LMBR1: variants seen among roughly 807,000 people sequenced by gnomAD.
LMBR1 encodes the protein limb development membrane protein 1, also known as limb region 1 protein homolog.
In LMBR1, 52 loss-of-function variants were observed where a neutral mutation model predicts 73.9. The observed-to-expected ratio is 0.70, with a 90% confidence interval of 0.56 to 0.89. The LOEUF is 0.89. Ranked by LOEUF, LMBR1 falls within the 40% of genes least tolerant of loss-of-function variation. LMBR1 has a pLI of 0.00. For synonymous variants in LMBR1, 215 were observed against 209.4 expected (o/e 1.03, Z -0.23); for missense variants, 539 against 579.8 (o/e 0.93, Z 0.72).
At position 156,725,722 on chromosome 7, in the gene LMBR1, A is replaced by C. The variant is rs774287851; in HGVS notation, c.1067+42T>G. On this transcript the variant is annotated intron_variant, in intron 13 of 16. Transcript: ENST00000353442. ...CTACTGCCCCAGAAAACTTGGTATA[A>C]AATTTGTGGATAGGCTGAACGTTCA... 18 of 1,571,990 alleles carry C rather than the reference A, an allele frequency of 1.1e-5. No individual in the cohort carries two copies. The South Asian group carries it at 1.9e-4, about 17-fold the overall frequency.
chr7:156,744,672 T>C (rs1819528965), intron 9 of LMBR1, among the ~76,000 whole-genome samples: 1 of 152,242 alleles, frequency 6.6e-6, no homozygotes, highest in Non-Finnish European at 1.5e-5. Context: ...AGATGATTAA[T>C]TCAATTTTTG....
At chr7:156,731,318 G>A (rs1005841220) in intron 10 of LMBR1, among the ~76,000 whole-genome samples, 1 of 152,160 alleles carries the variant, frequency 6.6e-6, no homozygotes, top group African/African-American at 2.4e-5. Context: ...TGCAGCCTAA[G>A]GAAATAAGAG....
At chr7:156,708,171 C>A (rs1456506680) in intron 15 of LMBR1, among the ~76,000 whole-genome samples, 1 of 152,022 alleles carries the variant, frequency 6.6e-6, no homozygotes, top group African/African-American at 2.4e-5. Flanking sequence ...CTTGGAAGGA[C>A]AGAACAGTGC....
intron 1 of LMBR1, among the ~76,000 whole-genome samples, chr7:156,848,977 C>A (rs948319715): frequency 6.6e-6 from 1 of 150,630 alleles, no homozygotes; most frequent in African/African-American, 2.4e-5. Flanking sequence ...AACAGTACTA[C>A]CATTTGACCC....
At chr7:156,759,408 T>G (rs1445728543) in intron 8 of LMBR1, among the ~76,000 whole-genome samples, 1 of 152,150 alleles carries the variant, frequency 6.6e-6, no homozygotes, top group Non-Finnish European at 1.5e-5. Context: ...GCCTCTTGGG[T>G]TCACACTCTG....
intron 9 of LMBR1, among the ~76,000 whole-genome samples, 171 bp downstream of exon 9, chr7:156,756,222 G>A (rs1821844715): frequency 6.6e-6 from 1 of 152,104 alleles, no homozygotes; most frequent in Middle Eastern, 3.2e-3. Context: ...CTCAGCCAGG[G>A]TCTGCAATAA....
intron 5 of LMBR1, among the ~76,000 whole-genome samples, chr7:156,779,088 A>G (rs1826654704): frequency 6.6e-6 from 1 of 152,220 alleles, no homozygotes; most frequent in African/African-American, 2.4e-5. Context: ...TCTCCTGAAT[A>G]CAAGATCACA....
At chr7:156,741,011 A>G (rs1164306996) in intron 9 of LMBR1, among the ~76,000 whole-genome samples, 1 of 152,198 alleles carries the variant, frequency 6.6e-6, no homozygotes, top group Admixed American at 6.5e-5. Flanking sequence ...AAGTGTGGGG[A>G]CGAAGTTAAA....
intron 5 of LMBR1, among the ~76,000 whole-genome samples, chr7:156,774,564 G>C (rs1464071685): frequency 6.6e-6 from 1 of 152,218 alleles, no homozygotes; most frequent in Non-Finnish European, 1.5e-5. Flanking sequence ...GGGTGAGACA[G>C]CTCACACCTG....
At chr7:156,886,927 T>A (rs11764953) in intron 1 of LMBR1, among the ~76,000 whole-genome samples, 1 of 152,116 alleles carries the variant, frequency 6.6e-6, no homozygotes, top group Admixed American at 6.5e-5. Context: ...GCGTGTCAGA[T>A]GTCCCATCCC....
At chr7:156,756,001 T>G (rs1236724761) in intron 9 of LMBR1, among the ~76,000 whole-genome samples, 1 of 152,238 alleles carries the variant, frequency 6.6e-6, no homozygotes, top group Non-Finnish European at 1.5e-5. Flanking sequence ...TGAAAACTAC[T>G]TAAGTAAAAT....
intron 15 of LMBR1, among the ~76,000 whole-genome samples, chr7:156,712,331 A>C (rs192699161): frequency 6.6e-6 from 1 of 152,342 alleles, no homozygotes; most frequent in African/African-American, 2.4e-5. Flanking sequence ...ATCAGTCAGA[A>C]TGGCTACTAT....
At chr7:156,888,095 G>A (rs138662723) in intron 1 of LMBR1, among the ~76,000 whole-genome samples, 24 of 152,282 alleles carry the variant, frequency 1.6e-4, no homozygotes, top group African/African-American at 5.8e-4. Flanking sequence ...TGTGGAAAAT[G>A]GTATGGCAGT....
intron 5 of LMBR1, among the ~76,000 whole-genome samples, chr7:156,782,398 T>C (rs946587465): frequency 3.3e-5 from 5 of 152,160 alleles, no homozygotes; most frequent in African/African-American, 1.2e-4. Flanking sequence ...GTCATATTGT[T>C]TTCCACACCA....
chr7:156,763,249 A>G (rs1308568341), intron 6 of LMBR1, 73 bp from the exon 7 acceptor site: 3 of 647,938 alleles, frequency 4.6e-6, no homozygotes, highest in South Asian at 2.1e-5. Context: ...CTATCTTACG[A>G]TAAGATAGAG....
At chr7:156,736,586 C>T (rs777728720) in intron 9 of LMBR1, 20 of 457,076 alleles carry the variant, frequency 4.4e-5, no homozygotes, top group South Asian at 2.5e-4. Flanking sequence ...CCTGTTGCAA[C>T]TTCTGGATTT....
chr7:156,727,879 G>A, intron 12 of LMBR1, 51 bp downstream of exon 12: 1 of 1,257,578 alleles, frequency 8.0e-7, no homozygotes, highest in Non-Finnish European at 1.2e-6. Context: ...TCAGGGTATA[G>A]ACATAGAATA....
intron 5 of LMBR1, among the ~76,000 whole-genome samples, chr7:156,766,609 G>A (rs900618037): frequency 6.6e-6 from 1 of 152,300 alleles, no homozygotes; most frequent in East Asian, 1.9e-4. Flanking sequence ...TTCTGGAAAA[G>A]AAAGAGGAGG....
intron 1 of LMBR1, among the ~76,000 whole-genome samples, chr7:156,884,621 T>C (rs746469749): frequency 1.3e-5 from 2 of 152,126 alleles, no homozygotes; most frequent in African/African-American, 2.4e-5. Context: ...CCAAACTACC[T>C]AGTAGAAGCC....
Sources: allele counts gnomAD v4.1 joint callset (sites outside exome capture counted in the v4.1 genomes callset), GRCh38; gene constraint gnomAD v4.1.1; transcripts MANE v1.5; gene names NCBI Gene and HGNC (gene_info 2026-07-23, HGNC 2026-07-21).